Variants in PTBP3 observed in about 807,000 individuals in gnomAD.
PTBP3 encodes the protein polypyrimidine tract binding protein 3, also known as polypyrimidine tract-binding protein 3.
A neutral mutation model predicts 58.7 loss-of-function variants in PTBP3; 20 were observed. The ratio of observed to expected loss-of-function variants is 0.34; its 90% CI spans 0.24 to 0.50. The LOEUF (loss-of-function observed/expected upper bound fraction) is 0.50, where lower values mean the gene tolerates loss of function less well. PTBP3 is among the 20% of genes least tolerant of loss of function. The pLI is 0.98. For missense variants in PTBP3, 509 were observed against 637.2 expected (o/e 0.80, Z 2.17); for synonymous variants, 185 against 219.8 (o/e 0.84, Z 1.40).
At chr9:112,370,044 C>T in the PTBP3 span, among the ~76,000 whole-genome samples, 1 of 152,182 alleles carries the variant, frequency 6.6e-6, no homozygotes, top group Non-Finnish European at 1.5e-5. Flanking sequence ...TGAGAGGCCT[C>T]CCTAGCCATG....
At position 112,227,630 on chromosome 9, in the gene PTBP3, AGT is replaced by A. The variant is rs1298593298; in HGVS notation, c.1148-5_1148-4del. 1.2e-6 allele frequency: 2 copies of A among 1,612,436 alleles called. No homozygotes were observed. Among genetic ancestry groups the A allele is most frequent in the South Asian group, 2.2e-5 (2 of 91,050 alleles). On this transcript the variant is annotated splice_polypyrimidine_tract_variant and splice_region_variant and intron_variant, in intron 11 of 13. Coordinates refer to ENST00000374257, the MANE Select transcript of PTBP3 (RefSeq NM_001163788.4). ...CTGACCACTTAGATGGTTCATTGCT[AGT>A]GCATGGGAAGAAAATTTTAAAGTTT... is the stretch of plus-strand genomic sequence containing the variant.
At chr9:112,248,897 T>G (rs1170028764) in intron 7 of PTBP3, among the ~76,000 whole-genome samples, 2 of 152,204 alleles carry the variant, frequency 1.3e-5, no homozygotes, top group African/African-American at 2.4e-5. Flanking sequence ...GATCTATTAT[T>G]CTTCCAATGG....
chr9:112,372,899 C>CT, the PTBP3 span, among the ~76,000 whole-genome samples: 2,844 of 136,908 alleles, frequency 0.021, 87 homozygotes, highest in East Asian at 0.15. Context: ...CATAGGCTTT[C>CT]TTTTTTTTTT....
intron 5 of PTBP3, among the ~76,000 whole-genome samples, chr9:112,254,984 TA>T (rs1159566376): frequency 2.0e-5 from 3 of 152,086 alleles, no homozygotes; most frequent in Non-Finnish European, 4.4e-5. Flanking sequence ...CATCAATGAA[TA>T]AATGGATAAA....
At chr9:112,328,544 A>G (rs1320866487) in intron 1 of PTBP3, among the ~76,000 whole-genome samples, 2 of 152,318 alleles carry the variant, frequency 1.3e-5, no homozygotes, top group South Asian at 4.1e-4. Flanking sequence ...TTATGAAGAC[A>G]TATCTTTAGG....
At chr9:112,228,300 A>G (rs2131959920) in intron 11 of PTBP3, 80 bp downstream of exon 11, 2 of 927,532 alleles carry the variant, frequency 2.2e-6, no homozygotes, top group Non-Finnish European at 3.2e-6. Context: ...TCATATTCCT[A>G]CTAGCTGTAT....
At chr9:112,339,110 C>T in the PTBP3 span, among the ~76,000 whole-genome samples, 3 of 151,824 alleles carry the variant, frequency 2.0e-5, no homozygotes, top group African/African-American at 4.8e-5. Flanking sequence ...TAGGCAAGGG[C>T]GAAATGCCGT....
At chr9:112,345,001 C>T in the PTBP3 span, among the ~76,000 whole-genome samples, 4 of 152,002 alleles carry the variant, frequency 2.6e-5, no homozygotes, top group African/African-American at 9.7e-5. Flanking sequence ...GGTGTGGTGT[C>T]ACATACCTGT....
intron 9 of PTBP3, 135 bp downstream of exon 9, chr9:112,231,963 AG>A (rs1475923522): frequency 0.013 from 4,158 of 331,118 alleles, 66 homozygotes; most frequent in Admixed American, 0.066. Flanking sequence ...AGAAGAGAAG[AG>A]AAGAGAGAAG....
At chr9:112,358,309 AAAAAAC>A in the PTBP3 span, among the ~76,000 whole-genome samples, 1 of 152,178 alleles carries the variant, frequency 6.6e-6, no homozygotes, top group Non-Finnish European at 1.5e-5. Flanking sequence ...CTCTGTCTCA[AAAAAAC>A]AAAAACAAAC....
chr9:112,259,868 C>T (rs1836518758), intron 5 of PTBP3, among the ~76,000 whole-genome samples: 1 of 152,154 alleles, frequency 6.6e-6, no homozygotes, highest in African/African-American at 2.4e-5. Context: ...CACAAGACTA[C>T]AAGAGAAAGA....
intron 8 of PTBP3, among the ~76,000 whole-genome samples, chr9:112,232,978 T>C (rs1835301718): frequency 1.3e-5 from 2 of 152,026 alleles, no homozygotes; most frequent in African/African-American, 4.8e-5. Flanking sequence ...AATGACTCTT[T>C]AAAATAAACA....
At chr9:112,292,039 G>C (rs1192349915) in intron 2 of PTBP3, among the ~76,000 whole-genome samples, 1 of 152,040 alleles carries the variant, frequency 6.6e-6, no homozygotes, top group African/African-American at 2.4e-5. Context: ...ATCAAAAAAT[G>C]GGCAAATTGA....
intron 1 of PTBP3, among the ~76,000 whole-genome samples, chr9:112,329,266 A>T (rs1011216634): frequency 5.9e-5 from 9 of 152,124 alleles, no homozygotes; most frequent in African/African-American, 2.2e-4. Context: ...CAAAAAAATT[A>T]GCCAGGCATG....
At chr9:112,297,586 T>A (rs1371235903) in intron 2 of PTBP3, among the ~76,000 whole-genome samples, 2 of 152,224 alleles carry the variant, frequency 1.3e-5, no homozygotes. Context: ...ATCAAAATTA[T>A]GTAACACAAA....
chr9:112,240,142 T>C (rs951577646), intron 7 of PTBP3, among the ~76,000 whole-genome samples: 4 of 152,126 alleles, frequency 2.6e-5, no homozygotes, highest in African/African-American at 7.2e-5. Flanking sequence ...GTATAGGGCC[T>C]TGTAATCCAA....
intron 7 of PTBP3, among the ~76,000 whole-genome samples, chr9:112,246,881 T>TC (rs1835900979): frequency 6.6e-6 from 1 of 152,246 alleles, no homozygotes; most frequent in East Asian, 1.9e-4. Context: ...ATCATGTGTC[T>TC]CCTAATGTAA....
chr9:112,374,134 T>C, the PTBP3 span, among the ~76,000 whole-genome samples: 1 of 152,198 alleles, frequency 6.6e-6, no homozygotes, highest in Non-Finnish European at 1.5e-5. Context: ...CTGTGAATAC[T>C]GTGGAGTAGT....
At chr9:112,377,349 C>CA in the PTBP3 span, among the ~76,000 whole-genome samples, 1 of 151,918 alleles carries the variant, frequency 6.6e-6, no homozygotes, top group Non-Finnish European at 1.5e-5. Context: ...GATCTTATCT[C>CA]AAAAAAACAA....
Sources: allele counts gnomAD v4.1 joint callset (sites outside exome capture counted in the v4.1 genomes callset), GRCh38; gene constraint gnomAD v4.1.1; transcripts MANE v1.5; gene names NCBI Gene and HGNC (gene_info 2026-07-23, HGNC 2026-07-21).